Variants in EML5 observed in about 807,000 individuals in gnomAD.
EML5 encodes the protein echinoderm microtubule-associated protein-like 5.
EML5 carries 120 observed loss-of-function variants against 250.0 expected under a neutral mutation model. The observed-to-expected ratio is 0.48, with a 90% CI of 0.41 to 0.56. The LOEUF (loss-of-function observed/expected upper bound fraction) is 0.56. EML5 is among the 20% of genes least tolerant of loss of function. EML5 has a pLI of 0.00. For missense variants in EML5, 2,006 were observed against 2,437.6 expected, an observed-to-expected ratio of 0.82 and a Z score of 3.73; for synonymous variants, 771 against 806.5, an observed-to-expected ratio of 0.96 and a Z score of 0.75.
intron 17 of EML5, among the ~76,000 whole-genome samples, chr14:88,689,542 C>T (rs1372865733): frequency 1.3e-5 from 2 of 152,134 alleles, no homozygotes; most frequent in African/African-American, 4.8e-5. Flanking sequence ...CAATTGGACT[C>T]ACAAATTCCT....
chr14:88,657,265 T>C (rs1467273611), intron 27 of EML5, 111 bp downstream of exon 27: 1 of 1,081,004 alleles, frequency 9.3e-7, no homozygotes, highest in Non-Finnish European at 1.3e-6. Flanking sequence ...GAATTGTCTA[T>C]AGCAAGAATA....
chr14:88,778,476 T>C (rs1434835638), intron 1 of EML5, among the ~76,000 whole-genome samples: 1 of 152,102 alleles, frequency 6.6e-6, no homozygotes. Flanking sequence ...CATAGAACTG[T>C]GGAAGGTTAA....
intron 1 of EML5, among the ~76,000 whole-genome samples, chr14:88,791,709 C>A (rs1004538100): frequency 6.6e-6 from 1 of 152,224 alleles, no homozygotes; most frequent in African/African-American, 2.4e-5. Flanking sequence ...ATAAGACCTA[C>A]CTTAAATTGC....
chr14:88,792,804 G>A lies in EML5; in HGVS notation c.-301C>T. 1 of 975,260 alleles carries A rather than the reference G, an allele frequency of 1.0e-6. No individual in the cohort carries two copies. Among genetic ancestry groups the A allele is most frequent in the Non-Finnish European group, 1.2e-6 (1 of 815,698 alleles). 60.4% of individuals were successfully genotyped at this position (975,260 alleles called of 1,614,324 possible). On this transcript the variant is annotated 5_prime_UTR_variant, in exon 1 of 44. Coordinates refer to ENST00000554922, the MANE Select transcript of EML5 (RefSeq NM_183387.3). The surrounding 1 kb of genome is among the most constrained non-coding windows in gnomAD (Gnocchi z 6.9). ...AGTCTCCTCAGCCCGTAGCGCCTGGGCCGAGAGCGAGGGCCCGCCTCCAGC... is the reference window on the plus strand; with the variant it reads ...AGTCTCCTCAGCCCGTAGCGCCTGGACCGAGAGCGAGGGCCCGCCTCCAGC...
At chr14:88,699,946 A>ATATC (rs1319979985) in intron 14 of EML5, among the ~76,000 whole-genome samples, 4 of 152,138 alleles carry the variant, frequency 2.6e-5, no homozygotes, top group Admixed American at 2.0e-4. Context: ...TTAGTGAATT[A>ATATC]TATCTATATA....
At chr14:88,648,059 T>C (rs961044694) in intron 28 of EML5, among the ~76,000 whole-genome samples, 1 of 152,184 alleles carries the variant, frequency 6.6e-6, no homozygotes, top group Non-Finnish European at 1.5e-5. Context: ...TTTAGAATTT[T>C]GCTAGTAAAA....
rs763993372 is a variant in EML5 at position 88,695,489 on chromosome 14, T to C, written c.2345-35A>G. ...ATTAATGAGAGAGATAAACTGACTA[T>C]TAACATTCAGAAGAGAGAAAACATT... On this transcript the variant is annotated intron_variant, in intron 15 of 43. Transcript: ENST00000554922. 3.9e-6 allele frequency: 6 copies of C among 1,554,398 alleles called. No homozygotes were observed. The South Asian group carries it at 5.8e-5, about 15-fold the overall frequency.
intron 7 of EML5, among the ~76,000 whole-genome samples, chr14:88,727,911 AC>A (rs957079282): frequency 6.6e-6 from 1 of 152,202 alleles, no homozygotes; most frequent in African/African-American, 2.4e-5. Flanking sequence ...ACTAGAAGAT[AC>A]CCATTGTTTG....
In EML5 at chr14:88,618,151, CTCTAACAGTTCAGAAATAGGATT is replaced by C. The variant is rs2088056979; in HGVS notation, c.5642+54_5642+76del. ...CAATTACTATTCCTTATTGGAATGG[CTCTAACAGTTCAGAAATAGGATT>C]TTCTAACTGGCCTTCAAAGTCAGTT... is the stretch of plus-strand genomic sequence containing the variant. On this transcript the variant is annotated intron_variant, in intron 41 of 43. Transcript: ENST00000554922. 13 of 1,231,636 alleles carry C rather than the reference CTCTAACAGTTCAGAAATAGGATT, an allele frequency of 1.1e-5. No individual in the cohort carries two copies. The South Asian group carries it at 1.5e-4, about 14-fold the overall frequency. 76.3% of individuals were successfully genotyped at this position (1,231,636 alleles called of 1,614,324 possible).
chr14:88,659,466 C>T (rs915097066), intron 25 of EML5, among the ~76,000 whole-genome samples: 3 of 152,164 alleles, frequency 2.0e-5, no homozygotes, highest in African/African-American at 7.2e-5. Context: ...CCTGCCTCGG[C>T]CTCCCAAAGT....
At chr14:88,784,952 CA>C (rs1416041871) in intron 1 of EML5, among the ~76,000 whole-genome samples, 1 of 152,234 alleles carries the variant, frequency 6.6e-6, no homozygotes, top group East Asian at 1.9e-4. Context: ...AAGAGTCTAT[CA>C]ACAGATGAAT....
At chr14:88,640,041 G>A (rs1595328318) in intron 31 of EML5, among the ~76,000 whole-genome samples, 1 of 152,136 alleles carries the variant, frequency 6.6e-6, no homozygotes, top group Admixed American at 6.5e-5. Flanking sequence ...CAGAGCAGTA[G>A]GTTGGATCCA....
At chr14:88,717,711 T>C (rs946515163) in intron 8 of EML5, among the ~76,000 whole-genome samples, 2 of 152,150 alleles carry the variant, frequency 1.3e-5, no homozygotes, top group Non-Finnish European at 2.9e-5. Context: ...GCTGAGATCC[T>C]GCCACTGCAC....
chr14:88,624,865 C>T (rs914513694), intron 36 of EML5, 105 bp downstream of exon 36: 41 of 1,224,974 alleles, frequency 3.3e-5, no homozygotes, highest in South Asian at 6.4e-5. Context: ...GGAGGAAGGT[C>T]GGAGAGGACA....
chr14:88,668,703 C>G (rs2092375605), intron 21 of EML5, among the ~76,000 whole-genome samples: 1 of 152,148 alleles, frequency 6.6e-6, no homozygotes, highest in Non-Finnish European at 1.5e-5. Flanking sequence ...AATGCTTATT[C>G]TGCTGGTTGG....
At chr14:88,684,903 A>T in intron 20 of EML5, 112 bp downstream of exon 20, 1 of 1,017,112 alleles carries the variant, frequency 9.8e-7, no homozygotes, top group Non-Finnish European at 1.4e-6. Flanking sequence ...TACATTAACA[A>T]ATATTTCCCT....
At chr14:88,650,656 A>C (rs184784038) in intron 27 of EML5, among the ~76,000 whole-genome samples, 18 of 152,204 alleles carry the variant, frequency 1.2e-4, no homozygotes, top group Middle Eastern at 3.4e-3. Flanking sequence ...TTATTCTCCC[A>C]GAGACAGGAT....
At position 88,792,755 on chromosome 14, in the gene EML5, C is replaced by T; in HGVS notation, c.-252G>A. On this transcript the variant is annotated 5_prime_UTR_variant, in exon 1 of 44. Coordinates refer to ENST00000554922, the MANE Select transcript of EML5 (RefSeq NM_183387.3). This position sits in a 1 kb window ranked among gnomAD's most constrained non-coding sequence, Gnocchi z 6.9. ...CCGGCTGTCAAGTGGATGCCCAGAG[C>T]CCTTCGCCCGCCTCGGCTCGCCTAG... 9.5e-7 allele frequency: 1 copy of T among 1,056,628 alleles called. No homozygotes were observed. The allele number at this position is 1,056,628 out of a possible 1,614,324, so 65.5% of individuals were successfully genotyped here.
At chr14:88,780,795 G>A (rs759744505) in intron 1 of EML5, among the ~76,000 whole-genome samples, 11 of 152,070 alleles carry the variant, frequency 7.2e-5, no homozygotes, top group Non-Finnish European at 1.5e-4. Context: ...GAATGGTCTC[G>A]ATCTCTTGAC....
Sources: allele counts gnomAD v4.1 joint callset (sites outside exome capture counted in the v4.1 genomes callset), GRCh38; gene constraint gnomAD v4.1.1; non-coding constraint Gnocchi (gnomAD v3.1); transcripts MANE v1.5; gene names NCBI Gene and HGNC (gene_info 2026-07-23, HGNC 2026-07-21).